The following BCO1 variants were observed in gnomAD, a reference collection of about 807,000 sequenced individuals.
BCO1 encodes the protein beta,beta-carotene 15,15'-dioxygenase.
In BCO1, 54 loss-of-function variants were observed where a neutral mutation model predicts 56.3. The ratio of observed to expected loss-of-function variants is 0.96; its 90% CI spans 0.77 to 1.20. The LOEUF is 1.20. BCO1 is among the 50% of genes most tolerant of loss of function. BCO1 has a pLI of 0.00. For missense variants in BCO1, 801 were observed against 690.9 expected, an observed-to-expected ratio of 1.16 and a Z score of -1.79; for synonymous variants, 318 against 266.1, an observed-to-expected ratio of 1.20 and a Z score of -1.90.
rs143004627 is a variant in BCO1 at position 81,256,739 on chromosome 16, T to G, written c.194-2937T>G. Among the ~76,000 whole-genome samples, 512 of 151,970 alleles carry G rather than the reference T, an allele frequency of 3.4e-3. 4 individuals are homozygous for G. The highest frequency in any genetic ancestry group is 0.012 in the African/African-American group (488 of 41,450). On this transcript the variant is annotated intron_variant, in intron 2 of 10. Transcript: ENST00000258168. ...CTCGTCTCTACTAAAAATACAAAAA[T>G]TAGTCGGACATGGTGGCACATGCCT...
rs1381862075 is a variant in BCO1, at chr16:81,267,817, A to C, written c.620-91A>C. ...GTTTAATGTAAAGGTTTTTTTCAGC[A>C]ATCAAGTCAGTTTGTAGGTGATGGT... On this transcript the variant is annotated intron_variant, in intron 5 of 10. Coordinates refer to ENST00000258168, the MANE Select transcript of BCO1 (RefSeq NM_017429.3). The C allele has an allele frequency of 4.5e-6, 5 of 1,117,934 alleles. No individual in the cohort carries two copies. In the African/African-American group the frequency reaches 6.2e-5, roughly 14 times the overall value. 69.3% of individuals were successfully genotyped at this position (1,117,934 alleles called of 1,614,324 possible).
chr16:81,269,245 C>A (rs1351431326), intron 6 of BCO1, among the ~76,000 whole-genome samples: 1 of 151,624 alleles, frequency 6.6e-6, no homozygotes, highest in Non-Finnish European at 1.5e-5. Flanking sequence ...GCCACTGCTA[C>A]CCACTGACAC....
chr16:81,242,102 C>T (rs954460507), intron 1 of BCO1, among the ~76,000 whole-genome samples: 3 of 151,452 alleles, frequency 2.0e-5, no homozygotes, highest in African/African-American at 4.9e-5. Context: ...TCTCCCTGCT[C>T]TTTCTCAAGC....
At chr16:81,272,656 C>T (rs913612166) in intron 7 of BCO1, among the ~76,000 whole-genome samples, 1 of 152,206 alleles carries the variant, frequency 6.6e-6, no homozygotes. Flanking sequence ...CAGAGACTTA[C>T]AAAGGCTTCT....
At position 81,261,813 on chromosome 16, in the gene BCO1, T is replaced by C. The variant is rs544378196; in HGVS notation, c.324-323T>C. The C allele has an allele frequency of 6.4e-5, 22 of 343,226 alleles. No individual in the cohort carries two copies. In the Middle Eastern group the frequency reaches 3.1e-3, roughly 49 times the overall value. 21.3% of individuals were successfully genotyped at this position (343,226 alleles called of 1,614,324 possible). A position where few individuals can be genotyped will look rare whatever the true frequency, so the allele number is the denominator to read the frequency against. ...CTGGAGTGTAGTGGCGCCATCTCGG[T>C]TCACTGCAAGCTCCGCCTCCCGGGT... On this transcript the variant is annotated intron_variant, in intron 3 of 10. Coordinates refer to ENST00000258168, the MANE Select transcript of BCO1 (RefSeq NM_017429.3).
chr16:81,276,003 A>AG (rs1179283735), intron 7 of BCO1, among the ~76,000 whole-genome samples: 1 of 152,190 alleles, frequency 6.6e-6, no homozygotes, highest in Non-Finnish European at 1.5e-5. Flanking sequence ...GTGAGGCCCG[A>AG]GGTTCGTGTG....
At chr16:81,244,355 A>G (rs6564859) in intron 1 of BCO1, among the ~76,000 whole-genome samples, 48,618 of 151,964 alleles carry the variant, frequency 0.32, 7,930 homozygotes, top group East Asian at 0.37. Flanking sequence ...TCAGTGGTAT[A>G]TTTTAACACA....
intron 2 of BCO1, among the ~76,000 whole-genome samples, chr16:81,247,365 A>T (rs984910906): frequency 1.3e-5 from 2 of 152,104 alleles, no homozygotes; most frequent in African/African-American, 4.8e-5. Flanking sequence ...TGCTTAAGAG[A>T]TTAAAAATCA....
At chr16:81,268,909 G>A (rs1000758344) in intron 6 of BCO1, among the ~76,000 whole-genome samples, 4 of 151,794 alleles carry the variant, frequency 2.6e-5, no homozygotes, top group Non-Finnish European at 5.9e-5. Context: ...GGAACCAGAG[G>A]CACATGTCTC....
intron 7 of BCO1, among the ~76,000 whole-genome samples, chr16:81,280,324 GACACACACAC>G (rs10607036): frequency 1.9e-4 from 22 of 113,392 alleles, no homozygotes; most frequent in Non-Finnish European, 3.4e-4. Context: ...CACACACACA[GACACACACAC>G]ACACACACAC....
intron 6 of BCO1, 150 bp from the exon 7 acceptor site, chr16:81,270,009 T>C: frequency 1.0e-6 from 1 of 976,414 alleles, no homozygotes; most frequent in Non-Finnish European, 1.6e-6. Flanking sequence ...CTTTTGCCTG[T>C]CTGGTGTTGT....
At chr16:81,261,432 G>A (rs936464264) in intron 3 of BCO1, among the ~76,000 whole-genome samples, 4 of 152,164 alleles carry the variant, frequency 2.6e-5, no homozygotes, top group African/African-American at 9.7e-5. Flanking sequence ...GAGATAACCA[G>A]TGTGGACTCA....
intron 3 of BCO1, 140 bp downstream of exon 3, chr16:81,259,945 T>C (rs1906382881): frequency 9.4e-7 from 1 of 1,066,348 alleles, no homozygotes; most frequent in South Asian, 1.3e-5. Context: ...CCAGAGGTGC[T>C]ACACAGTTCT....
At chr16:81,264,589 A>T in intron 4 of BCO1, 51 bp from the exon 5 acceptor site, 1 of 1,595,166 alleles carries the variant, frequency 6.3e-7, no homozygotes, top group Non-Finnish European at 8.6e-7. Context: ...CATATCTTGC[A>T]GGTTGATTAT....
At chr16:81,249,473 G>A (rs865850544) in intron 2 of BCO1, among the ~76,000 whole-genome samples, 8 of 152,168 alleles carry the variant, frequency 5.3e-5, no homozygotes, top group Non-Finnish European at 1.0e-4. Context: ...AGCCAGGATG[G>A]TCTTGATCTC....
chr16:81,257,678 C>G (rs1906227883), intron 2 of BCO1, among the ~76,000 whole-genome samples: 1 of 151,678 alleles, frequency 6.6e-6, no homozygotes, highest in Non-Finnish European at 1.5e-5. Context: ...GAGTTCGAGA[C>G]CAGTCTGACC....
chr16:81,268,362 G>A (rs950890106), intron 6 of BCO1, among the ~76,000 whole-genome samples: 1 of 152,186 alleles, frequency 6.6e-6, no homozygotes, highest in Admixed American at 6.5e-5. Flanking sequence ...TCCAGGCAAG[G>A]GGGTGCCATC....
intron 2 of BCO1, among the ~76,000 whole-genome samples, chr16:81,252,245 GT>G (rs1276753447): frequency 6.6e-6 from 1 of 151,594 alleles, no homozygotes; most frequent in African/African-American, 2.4e-5. Flanking sequence ...GTGGGTGTGT[GT>G]TTTTGTTTTG....
rs1904968282 is a variant in BCO1, at chr16:81,238,696, TAA to T, written c.-211_-210del. On this transcript the variant is annotated 5_prime_UTR_variant, in exon 1 of 11. The change abolishes the stop of an existing upstream ORF in the 5' untranslated region. Transcript: ENST00000258168. ...GCCAGCGCAGCTTCCCTTGTGAATGTAAAGAGATCCAGGGCTCTTGGAGAGGG... is the reference window on the plus strand; with the variant it reads ...GCCAGCGCAGCTTCCCTTGTGAATGTAGAGATCCAGGGCTCTTGGAGAGGG... 33 of 601,950 alleles carry T rather than the reference TAA, an allele frequency of 5.5e-5. No individual in the cohort carries two copies. The South Asian group carries it at 6.8e-4, about 12-fold the overall frequency. 37.3% of individuals were successfully genotyped at this position (601,950 alleles called of 1,614,324 possible).
Sources: gnomAD v4.1 joint callset for allele counts (sites outside exome capture counted in the v4.1 genomes callset) on GRCh38, gnomAD v4.1.1 for gene constraint, MANE v1.5 for transcripts, NCBI Gene and HGNC (gene_info 2026-07-23, HGNC 2026-07-21) for gene names.